Variants in IGF2BP1 observed in about 807,000 individuals in gnomAD.
The protein encoded by IGF2BP1 is insulin like growth factor 2 mRNA binding protein 1.
In IGF2BP1, 11 loss-of-function variants were observed where a neutral mutation model predicts 74.9. The observed-to-expected ratio is 0.15, with a 90% confidence interval of 0.09 to 0.24. The LOEUF (loss-of-function observed/expected upper bound fraction) is 0.24, where lower values mean the gene tolerates loss of function less well. Among genes scored for constraint, IGF2BP1 ranks in the 10% least tolerant of loss-of-function variants. The pLI is 1.00. For synonymous variants in IGF2BP1, 287 were observed against 281.8 expected (o/e 1.02, Z -0.18); for missense variants, 440 against 757.4 (o/e 0.58, Z 4.92).
At chr17:49,016,443 A>G (rs998808349) in intron 2 of IGF2BP1, among the ~76,000 whole-genome samples, 3 of 152,140 alleles carry the variant, frequency 2.0e-5, no homozygotes, top group Admixed American at 2.0e-4. Flanking sequence ...GTGGGATCAT[A>G]TAAGCTGAGT....
At chr17:49,039,893 TG>T in intron 6 of IGF2BP1, 63 bp from the exon 7 acceptor site, 1 of 1,575,218 alleles carries the variant, frequency 6.3e-7, no homozygotes, top group Non-Finnish European at 8.7e-7. Flanking sequence ...GGTAGTGGGG[TG>T]GGGAGCCTGA....
chr17:49,027,517 G>A (rs2144061319), intron 4 of IGF2BP1, among the ~76,000 whole-genome samples: 1 of 152,270 alleles, frequency 6.6e-6, no homozygotes, highest in East Asian at 1.9e-4. Context: ...CTTTTGAAGA[G>A]TAGGCCCACA....
intron 2 of IGF2BP1, among the ~76,000 whole-genome samples, chr17:49,000,565 A>T (rs1482727440): frequency 1.3e-5 from 2 of 152,220 alleles, no homozygotes; most frequent in African/African-American, 2.4e-5. Context: ...TTTTCTGGAG[A>T]TGTGTCTAAG....
At chr17:49,033,871 G>A (rs2041952059) in intron 5 of IGF2BP1, among the ~76,000 whole-genome samples, 1 of 152,142 alleles carries the variant, frequency 6.6e-6, no homozygotes, top group Non-Finnish European at 1.5e-5. Flanking sequence ...CCAGGCTGGA[G>A]TGCAGTGTTG....
chr17:49,048,014 C>T (rs909134714), intron 14 of IGF2BP1, among the ~76,000 whole-genome samples: 9 of 151,986 alleles, frequency 5.9e-5, no homozygotes, highest in African/African-American at 1.9e-4. Context: ...CAATGCCCAG[C>T]CTCAGCTGCT....
chr17:49,023,765 A>T (rs2041819425), intron 2 of IGF2BP1, among the ~76,000 whole-genome samples: 1 of 152,206 alleles, frequency 6.6e-6, no homozygotes, highest in Non-Finnish European at 1.5e-5. Flanking sequence ...CTAAGAGTTT[A>T]TGATCAAGGA....
intron 2 of IGF2BP1, among the ~76,000 whole-genome samples, chr17:49,023,282 C>G (rs915900230): frequency 2.0e-5 from 3 of 152,206 alleles, no homozygotes; most frequent in African/African-American, 7.2e-5. Context: ...AGTTCATGAA[C>G]AAACCAAAGA....
chr17:49,023,273 G>A (rs2041813780), intron 2 of IGF2BP1, among the ~76,000 whole-genome samples: 1 of 152,218 alleles, frequency 6.6e-6, no homozygotes, highest in African/African-American at 2.4e-5. Context: ...CTTAGGTCAA[G>A]TTCATGAACA....
At chr17:49,048,633 C>T (rs1238636951) in intron 14 of IGF2BP1, among the ~76,000 whole-genome samples, 1 of 152,026 alleles carries the variant, frequency 6.6e-6, no homozygotes, top group Admixed American at 6.6e-5. Flanking sequence ...AAGTTACGAC[C>T]CTCTACAACA....
intron 3 of IGF2BP1, 43 bp from the exon 4 acceptor site, chr17:49,026,423 T>TG (rs1172857245): frequency 6.3e-7 from 1 of 1,591,426 alleles, no homozygotes; most frequent in Non-Finnish European, 8.6e-7. Flanking sequence ...GCAAGGGTCT[T>TG]GGGACTCAGA....
intron 7 of IGF2BP1, 66 bp from the exon 8 acceptor site, chr17:49,041,312 T>A: frequency 6.3e-7 from 1 of 1,587,790 alleles, no homozygotes; most frequent in Non-Finnish European, 8.6e-7. Flanking sequence ...GCATGGTGAT[T>A]GAGTCTTCAT....
upstream of IGF2BP1, among the ~76,000 whole-genome samples, chr17:48,997,219 C>T (rs2041414777): frequency 6.6e-6 from 1 of 152,018 alleles, no homozygotes; most frequent in African/African-American, 2.4e-5. The surrounding 1 kb of genome is among the most constrained non-coding windows in gnomAD (Gnocchi z 4.8). Context: ...GCTGCCGCAC[C>T]GCCCCAGTTT....
intron 2 of IGF2BP1, among the ~76,000 whole-genome samples, chr17:49,007,258 G>T: frequency 6.6e-6 from 1 of 152,110 alleles, no homozygotes. Context: ...AGATACCCAG[G>T]GGGTGACTGC....
At position 49,040,009 on chromosome 17, in the gene IGF2BP1, G is replaced by A; in HGVS notation, c.736G>A (p.Val246Met). The A allele has an allele frequency of 2.5e-6, 4 of 1,613,666 alleles. No individual in the cohort carries two copies. The highest frequency in any genetic ancestry group is 2.5e-6 in the Non-Finnish European group (3 of 1,180,034). ...NAGAAEKAIS[V>M]HSTPEGCSSA... Reference sequence around the variant, plus strand: ...AGGTGCAGCTGAAAAAGCCATCAGTGTGCACTCCACCCCTGAGGGCTGCTC... The same window carrying A: ...AGGTGCAGCTGAAAAAGCCATCAGTATGCACTCCACCCCTGAGGGCTGCTC... Residue 246 changes from valine to methionine, a missense_variant, in exon 7 of 15, where the codon GTG (valine) becomes ATG (methionine). Physicochemically the swap from Val to Met is conservative, Grantham distance 21 (BLOSUM62 1). Coordinates refer to ENST00000290341, the MANE Select transcript of IGF2BP1 (RefSeq NM_006546.4).
chr17:49,035,621 G>T (rs991174965), intron 5 of IGF2BP1, among the ~76,000 whole-genome samples: 1 of 152,182 alleles, frequency 6.6e-6, no homozygotes, highest in Non-Finnish European at 1.5e-5. Flanking sequence ...CCCTGCGGGC[G>T]TGCACCTGCA....
chr17:49,045,156 C>A, intron 12 of IGF2BP1, 91 bp downstream of exon 12: 1 of 1,077,534 alleles, frequency 9.3e-7, no homozygotes, highest in South Asian at 1.3e-5. Flanking sequence ...GTCAGTTTCC[C>A]GTTAGCTGTC....
intron 14 of IGF2BP1, among the ~76,000 whole-genome samples, chr17:49,047,714 CTTT>C (rs34788963): frequency 1.9e-4 from 26 of 137,746 alleles, no homozygotes; most frequent in Admixed American, 1.5e-4. Context: ...TCAACTTCCT[CTTT>C]TTTTTTTTTT....
intron 10 of IGF2BP1, 95 bp from the exon 11 acceptor site, chr17:49,043,872 A>G (rs1325088599): frequency 1.0e-5 from 16 of 1,531,652 alleles, no homozygotes; most frequent in Non-Finnish European, 1.4e-5. Flanking sequence ...TGGTGCCTGT[A>G]CTCCTTCCTC....
At position 49,044,086 on chromosome 17, in the gene IGF2BP1, G is replaced by A. The variant is rs1280061796; in HGVS notation, c.1320G>A (p.Lys440=). The change falls in exon 11 of 15, where the codon AAG becomes AAA. Residue 440 remains lysine (K), a splice_region_variant and synonymous_variant. Coordinates refer to ENST00000290341, the MANE Select transcript of IGF2BP1 (RefSeq NM_006546.4). The part of the protein sequence containing the change: ...QLSRFASASI[K]IAPPETPDSK... ...CCCGGTTTGCCAGCGCCTCCATCAA[G>A]GTGATCTGCTCTGTGGGTCTTCCTG... 6.2e-7 allele frequency: 1 copy of A among 1,613,936 alleles called. No homozygotes were observed. Among genetic ancestry groups the A allele is most frequent in the African/African-American group, 1.3e-5 (1 of 74,910 alleles).
Sources: gnomAD v4.1 joint callset for allele counts (sites outside exome capture counted in the v4.1 genomes callset) on GRCh38, gnomAD v4.1.1 for gene constraint, Gnocchi (gnomAD v3.1) non-coding constraint, MANE v1.5 for transcripts, NCBI Gene and HGNC (gene_info 2026-07-23, HGNC 2026-07-21) for gene names.